CWF19L2: variants seen among roughly 807,000 people sequenced by gnomAD.
CWF19L2 encodes CWF19 like cell cycle control factor 2, also known as CWF19-like protein 2.
A neutral mutation model predicts 111.7 loss-of-function variants in CWF19L2; 98 were observed. The ratio of observed to expected loss-of-function variants is 0.88; its 90% CI spans 0.75 to 1.04. CWF19L2 has a LOEUF of 1.04. CWF19L2 is among the 50% of genes least tolerant of loss of function. The pLI is 0.00. For missense variants in CWF19L2, 1,101 were observed against 1,051.4 expected (o/e 1.05, Z -0.65); for synonymous variants, 351 against 342.9 (o/e 1.02, Z -0.26).
chr11:107,365,499 G>C (rs1464175153), intron 12 of CWF19L2, among the ~76,000 whole-genome samples: 2 of 87,016 alleles, frequency 2.3e-5, no homozygotes, highest in Admixed American at 1.2e-4. Context: ...CTTCATCCCT[G>C]GGATGCAAGG....
intron 6 of CWF19L2, among the ~76,000 whole-genome samples, chr11:107,434,089 G>C (rs1461019311): frequency 6.6e-6 from 1 of 151,556 alleles, no homozygotes; most frequent in Non-Finnish European, 1.5e-5. Context: ...ACTCTAGAAA[G>C]TAGGAGGTCA....
intron 12 of CWF19L2, among the ~76,000 whole-genome samples, chr11:107,374,137 C>T (rs1278469194): frequency 1.5e-5 from 2 of 134,876 alleles, no homozygotes; most frequent in African/African-American, 6.1e-5. Context: ...ACCAAATCTA[C>T]GTCGGATTGG....
intron 12 of CWF19L2, among the ~76,000 whole-genome samples, chr11:107,362,664 C>A (rs930140195): frequency 5.4e-4 from 81 of 151,358 alleles, no homozygotes; most frequent in Non-Finnish European, 9.7e-4. Context: ...ACACCAAAAA[C>A]CCATCTGTAC....
chr11:107,384,205 T>G (rs620347), intron 12 of CWF19L2, among the ~76,000 whole-genome samples: 81,747 of 152,028 alleles, frequency 0.54, 23,040 homozygotes, highest in African/African-American at 0.72. Context: ...TCAGGGAAAC[T>G]ACTAAGTAAG....
intron 3 of CWF19L2, among the ~76,000 whole-genome samples, chr11:107,444,149 T>A (rs1452176399): frequency 6.6e-6 from 1 of 151,920 alleles, no homozygotes; most frequent in Non-Finnish European, 1.5e-5. Context: ...CCCCGTATAT[T>A]CCTCCTCTAG....
chr11:107,437,637 G>GGAAGGGA (rs1861561586), intron 6 of CWF19L2, among the ~76,000 whole-genome samples: 1 of 152,124 alleles, frequency 6.6e-6, no homozygotes, highest in African/African-American at 2.4e-5. Flanking sequence ...GACATGAAGG[G>GGAAGGGA]GAAGGGAGAA....
Position 107,429,249 on chromosome 11 carries a change from T to C in CWF19L2, c.983A>G (p.Asn328Ser), listed in dbSNP as rs148454199. ...TTCATCACCAATAAATTTTTCATTA[T>C]TGCTATTTTTTGCAGTATCTGTTGT... ...YATTDTAKNS[N>S]NEKFIGDEKD... The change falls in exon 8 of 18, where the codon AAT (asparagine) becomes AGT (serine). Residue 328 changes from asparagine to serine, a missense_variant. Asn to Ser is a conservative substitution (Grantham distance 46). Coordinates refer to ENST00000282251, the MANE Select transcript of CWF19L2 (RefSeq NM_152434.3). 4.3e-6 allele frequency: 7 copies of C among 1,612,266 alleles called. No individual in the cohort carries two copies. The highest frequency in any genetic ancestry group is 5.1e-6 in the Non-Finnish European group (6 of 1,179,470).
intron 10 of CWF19L2, among the ~76,000 whole-genome samples, chr11:107,400,099 C>T (rs771483715): frequency 6.6e-6 from 1 of 151,912 alleles, no homozygotes; most frequent in African/African-American, 2.4e-5. Flanking sequence ...TAGCCCTAAA[C>T]GCCTATATCA....
At chr11:107,393,079 T>C (rs1860872520) in intron 10 of CWF19L2, among the ~76,000 whole-genome samples, 184 bp from the exon 11 acceptor site, 1 of 152,078 alleles carries the variant, frequency 6.6e-6, no homozygotes, top group Non-Finnish European at 1.5e-5. Context: ...GGGGAAAGGG[T>C]AAAAAATACC....
chr11:107,410,029 G>T (rs1861134590), intron 10 of CWF19L2, among the ~76,000 whole-genome samples: 1 of 152,102 alleles, frequency 6.6e-6, no homozygotes, highest in African/African-American at 2.4e-5. Flanking sequence ...TAATAGTGCT[G>T]ATGGTTTTTC....
At chr11:107,387,460 AAC>A (rs1172309891) in intron 12 of CWF19L2, among the ~76,000 whole-genome samples, 1 of 53,378 alleles carries the variant, frequency 1.9e-5, no homozygotes, top group Non-Finnish European at 3.8e-5. Context: ...AACAAAACAA[AAC>A]AAAACAAAAA....
At position 107,442,976 on chromosome 11, in the gene CWF19L2, T is replaced by C. The variant is rs1171262012; in HGVS notation, c.413A>G (p.Asp138Gly). 3 of 1,551,694 alleles carry C rather than the reference T, an allele frequency of 1.9e-6. No individual in the cohort carries two copies. The highest frequency in any genetic ancestry group is 2.4e-5 in the South Asian group (2 of 84,056). ...GGTGTCATCTTTTCCTGACTTTTCA[T>C]CTTTCACTTTCCAGGCTTTTTCCTT... is the stretch of plus-strand genomic sequence containing the variant. ...PDKEKAWKVK[D>G]EKSGKDDTQI... The change falls in exon 4 of 18, where the codon GAT becomes GGT. Residue 138 changes from aspartate (D) to glycine (G), a missense_variant. Physicochemically the swap from Asp to Gly is moderately conservative, Grantham distance 94. Transcript: ENST00000282251.
chr11:107,417,609 G>C (rs1343034659), intron 9 of CWF19L2, among the ~76,000 whole-genome samples: 2 of 152,102 alleles, frequency 1.3e-5, no homozygotes, highest in Non-Finnish European at 2.9e-5. Flanking sequence ...TGCTCAATGA[G>C]TTACAAATGC....
chr11:107,409,777 T>C (rs1861131140), intron 10 of CWF19L2, among the ~76,000 whole-genome samples: 2 of 152,092 alleles, frequency 1.3e-5, no homozygotes, highest in African/African-American at 4.8e-5. Context: ...GAAGCTGTAC[T>C]TGTGTGATGG....
chr11:107,411,778 T>C (rs953368204), intron 10 of CWF19L2, among the ~76,000 whole-genome samples: 2 of 152,208 alleles, frequency 1.3e-5, no homozygotes, highest in African/African-American at 4.8e-5. Flanking sequence ...CACTGGTTTT[T>C]CTATTCTAGA....
At chr11:107,414,955 G>A (rs1403185144) in intron 10 of CWF19L2, among the ~76,000 whole-genome samples, 6 of 152,052 alleles carry the variant, frequency 3.9e-5, no homozygotes, top group Admixed American at 6.6e-5. Context: ...TCTGCAAACC[G>A]TTCTTAATAG....
chr11:107,349,539 C>T (rs902316778), intron 13 of CWF19L2, among the ~76,000 whole-genome samples: 2 of 151,956 alleles, frequency 1.3e-5, no homozygotes, highest in African/African-American at 4.8e-5. Flanking sequence ...GAGGAAATGA[C>T]CTCGGAATGG....
intron 9 of CWF19L2, among the ~76,000 whole-genome samples, chr11:107,417,077 AAC>A (rs1178474134): frequency 6.6e-6 from 1 of 152,222 alleles, no homozygotes; most frequent in African/African-American, 2.4e-5. Flanking sequence ...TATTAGACAT[AAC>A]ACAGAAATAT....
chr11:107,380,453 G>T (rs1482853839), intron 12 of CWF19L2, among the ~76,000 whole-genome samples: 2 of 152,092 alleles, frequency 1.3e-5, no homozygotes, highest in African/African-American at 4.8e-5. Flanking sequence ...AAATCTGAGA[G>T]AACTGTCCAA....
Sources: gnomAD v4.1 joint callset for allele counts (sites outside exome capture counted in the v4.1 genomes callset) on GRCh38, gnomAD v4.1.1 for gene constraint, MANE v1.5 for transcripts, NCBI Gene and HGNC (gene_info 2026-07-23, HGNC 2026-07-21) for gene names.